NR1H3: variants seen among roughly 807,000 people sequenced by gnomAD.
NR1H3 encodes the protein nuclear receptor subfamily 1 group H member 3.
Under a neutral mutation model 48.1 loss-of-function variants are expected in NR1H3, and 19 were observed. The observed-to-expected ratio is 0.40, with a 90% CI of 0.28 to 0.58. The LOEUF is 0.58. Ranked by LOEUF, NR1H3 falls within the 20% of genes least tolerant of loss-of-function variation. NR1H3 has a pLI of 0.50. For missense variants in NR1H3, 486 were observed against 595.9 expected (o/e 0.82, Z 1.92); for synonymous variants, 232 against 227.3 (o/e 1.02, Z -0.19).
At chr11:47,251,085 G>GGATA (rs1954617596) in intron 1 of NR1H3, among the ~76,000 whole-genome samples, 1 of 152,138 alleles carries the variant, frequency 6.6e-6, no homozygotes, top group African/African-American at 2.4e-5. Context: ...CGTGAACCCA[G>GGATA]CAGGCGGAGC....
upstream of NR1H3, among the ~76,000 whole-genome samples, chr11:47,253,509 C>T (rs1333010329): frequency 2.6e-5 from 4 of 152,110 alleles, no homozygotes; most frequent in South Asian, 2.1e-4. Context: ...TGAGTAGATA[C>T]GCAGTGGTCT....
chr11:47,255,621 CTT>C (rs565415342), upstream of NR1H3, among the ~76,000 whole-genome samples: 539 of 105,440 alleles, frequency 5.1e-3, 3 homozygotes, highest in African/African-American at 0.011. Flanking sequence ...CTCTCTCTTT[CTT>C]TCTTTCTTTC....
At chr11:47,252,559 G>A (rs1020344443) in intron 1 of NR1H3, among the ~76,000 whole-genome samples, 1 of 148,952 alleles carries the variant, frequency 6.7e-6, no homozygotes, top group Non-Finnish European at 1.5e-5. Context: ...GCACCCACCC[G>A]GCTGTTTTTT....
intron 7 of NR1H3, among the ~76,000 whole-genome samples, chr11:47,263,434 T>G (rs1037542146): frequency 3.3e-5 from 5 of 151,736 alleles, no homozygotes; most frequent in African/African-American, 1.2e-4. Context: ...AGGCTAATTT[T>G]TATATTTTTT....
upstream of NR1H3, chr11:47,257,846 G>A (rs1295600851): frequency 2.0e-6 from 2 of 981,144 alleles, no homozygotes; most frequent in Non-Finnish European, 2.4e-6. Flanking sequence ...GGCCGGCTGG[G>A]GAGGAGCCAG....
At position 47,261,260 on chromosome 11, in the gene NR1H3, G is replaced by A; in HGVS notation, c.519G>A (p.Gln173=). ...CCTTAGGTGTCCTGTCAGAAGAACA[G>A]ATCCGCCTGAAGAAACTGAAGCGGC... is the stretch of plus-strand genomic sequence containing the variant. ...MREECVLSEE[Q]IRLKKLKRQE... is the part of the protein sequence containing the mutation. The change falls in exon 5 of 10, where the codon CAG becomes CAA. Residue 173 remains glutamine (Q), a synonymous_variant. Coordinates refer to ENST00000441012, the MANE Select transcript of NR1H3 (RefSeq NM_005693.4). 1.2e-6 allele frequency: 2 copies of A among 1,601,516 alleles called. No individual in the cohort carries two copies. The highest frequency in any genetic ancestry group is 4.5e-5 in the East Asian group (2 of 44,142).
chr11:47,260,973 T>C (rs974711125), intron 4 of NR1H3, among the ~76,000 whole-genome samples: 1 of 151,828 alleles, frequency 6.6e-6, no homozygotes, highest in African/African-American at 2.4e-5. Context: ...TAATCCCAGC[T>C]ACTCAAGAGA....
chr11:47,248,331 G>T, upstream of NR1H3: 1 of 1,106,512 alleles, frequency 9.0e-7, no homozygotes, highest in Non-Finnish European at 1.3e-6. Flanking sequence ...TGCTACTGGA[G>T]ACCATAGGCA....
At chr11:47,258,302 C>A in intron 1 of NR1H3, 173 bp downstream of exon 1, 1 of 637,862 alleles carries the variant, frequency 1.6e-6, no homozygotes, top group Non-Finnish European at 2.0e-6. Context: ...ATGAGGGGCT[C>A]AGGGGAGGAG....
At chr11:47,254,716 T>G (rs902560610), upstream of NR1H3, among the ~76,000 whole-genome samples, 4 of 152,158 alleles carry the variant, frequency 2.6e-5, no homozygotes, top group Admixed American at 2.0e-4. Context: ...GCACCCAGCC[T>G]GCTGTCTTCT....
chr11:47,254,357 C>T (rs1186220062), upstream of NR1H3, among the ~76,000 whole-genome samples: 4 of 152,190 alleles, frequency 2.6e-5, no homozygotes, highest in Non-Finnish European at 5.9e-5. Context: ...TCTGGCTGCC[C>T]TGCTGGGCTG....
At chr11:47,266,795 C>T (rs1226527175) in intron 7 of NR1H3, among the ~76,000 whole-genome samples, 2 of 151,846 alleles carry the variant, frequency 1.3e-5, no homozygotes, top group African/African-American at 4.8e-5. Flanking sequence ...GAGTGCACCA[C>T]CACGCCCAGC....
At chr11:47,256,981 C>T (rs1044862434), upstream of NR1H3, among the ~76,000 whole-genome samples, 5 of 151,954 alleles carry the variant, frequency 3.3e-5, no homozygotes, top group East Asian at 9.7e-4. Context: ...CCGCCTGCCT[C>T]GGCCTCCCAA....
intron 1 of NR1H3, chr11:47,249,127 G>A (rs1954383438): frequency 3.4e-6 from 3 of 895,100 alleles, no homozygotes; most frequent in Admixed American, 3.0e-5. Flanking sequence ...GCGGGACCAT[G>A]TCTGGAGAAC....
chr11:47,259,556 C>G, intron 2 of NR1H3: 1 of 1,472,778 alleles, frequency 6.8e-7, no homozygotes, highest in African/African-American at 1.4e-5. Context: ...TGCATACACT[C>G]CAGCCCCCCA....
chr11:47,253,985 C>T (rs987262082), upstream of NR1H3, among the ~76,000 whole-genome samples: 11 of 152,162 alleles, frequency 7.2e-5, no homozygotes, highest in Non-Finnish European at 1.3e-4. Context: ...TCCAGAAACT[C>T]CATGGAAATA....
intron 4 of NR1H3, 68 bp downstream of exon 4, chr11:47,260,743 C>CAGGT: frequency 2.7e-6 from 4 of 1,505,346 alleles, no homozygotes; most frequent in Non-Finnish European, 3.5e-6. Flanking sequence ...TGACCCAAAA[C>CAGGT]AGGTGCCTGA....
Position 47,261,629 on chromosome 11 carries a change from C to T in NR1H3, c.791C>T (p.Ser264Phe). 1 of 1,614,270 alleles carries T rather than the reference C, an allele frequency of 6.2e-7. No homozygotes were observed. Among genetic ancestry groups the T allele is most frequent in the Non-Finnish European group, 8.5e-7 (1 of 1,180,052 alleles). ...CACTTCACTGAGCTGGCCATCGTCT[C>T]TGTGCAGGAGATAGTTGACTTTGCT... ...FAHFTELAIV[S>F]VQEIVDFAKQ... Residue 264 changes from serine (S) to phenylalanine (F), a missense_variant, in exon 6 of 10, where the codon TCT becomes TTT. Physicochemically the swap from Ser to Phe is radical, Grantham distance 155. Transcript: ENST00000441012.
chr11:47,261,687 G>C lies in NR1H3; in HGVS notation c.849G>C (p.Arg283=). ...TACCCGGCTTCCTGCAGCTCAGCCG[G>C]GAGGACCAGATTGCCCTGCTGAAGA... ...KQLPGFLQLS[R]EDQIALLKTS... is the part of the protein sequence containing the mutation. Residue 283 remains arginine, a synonymous_variant, in exon 6 of 10, where the codon CGG becomes CGC. Coordinates refer to ENST00000441012, the MANE Select transcript of NR1H3 (RefSeq NM_005693.4). 2 of 1,614,168 alleles carry C rather than the reference G, an allele frequency of 1.2e-6. No individual in the cohort carries two copies. Among genetic ancestry groups the C allele is most frequent in the Non-Finnish European group, 1.7e-6 (2 of 1,180,048 alleles).
Sources: allele counts gnomAD v4.1 joint callset (sites outside exome capture counted in the v4.1 genomes callset), GRCh38; gene constraint gnomAD v4.1.1; transcripts MANE v1.5; gene names NCBI Gene and HGNC (gene_info 2026-07-23, HGNC 2026-07-21).